Variants in FBXO25 observed in about 807,000 individuals in gnomAD.
FBXO25 encodes the protein F-box protein 25, also known as F-box only protein 25.
A neutral mutation model predicts 51.9 loss-of-function variants in FBXO25; 45 were observed. The ratio of observed to expected loss-of-function variants is 0.87; its 90% confidence interval spans 0.68 to 1.11. The LOEUF (loss-of-function observed/expected upper bound fraction) is 1.11. Among genes scored for constraint, FBXO25 ranks in the 50% most tolerant of loss-of-function variants. FBXO25 has a pLI of 0.00. For missense variants in FBXO25, 507 were observed against 428.5 expected (o/e 1.18, Z -1.62); for synonymous variants, 199 against 151.0 (o/e 1.32, Z -2.33).
chr8:441,958 G>T (rs1286841862), intron 5 of FBXO25, among the ~76,000 whole-genome samples: 2 of 152,128 alleles, frequency 1.3e-5, no homozygotes, highest in African/African-American at 4.8e-5. Context: ...GATTCCTCAA[G>T]GATCTAGAAC....
intron 7 of FBXO25, 81 bp from the exon 8 acceptor site, chr8:458,288 A>C: frequency 1.4e-6 from 2 of 1,481,222 alleles, no homozygotes; most frequent in South Asian, 2.5e-5. Context: ...TGAAGCATTC[A>C]TTCCAGCTTG....
At chr8:420,873 G>A (rs1244616063) in intron 2 of FBXO25, among the ~76,000 whole-genome samples, 2 of 152,234 alleles carry the variant, frequency 1.3e-5, no homozygotes, top group Admixed American at 1.3e-4. Context: ...CAAAACCCAT[G>A]GAACTGTGCA....
chr8:472,283 C>A lies in FBXO25; in HGVS notation c.*3479C>A, dbSNP rs141687143. On this transcript the variant is annotated 3_prime_UTR_variant, in exon 10 of 10. Transcript: ENST00000350302. ...TATCGTGAAAGGGTGTGGATTTTGTCAAATGCTTTTTCTGCATCTCTTAAG... is the reference window on the plus strand; with the variant it reads ...TATCGTGAAAGGGTGTGGATTTTGTAAAATGCTTTTTCTGCATCTCTTAAG... 4.6e-5 allele frequency: 7 copies of A among 152,206 alleles called. No individual in the cohort carries two copies. The highest frequency in any genetic ancestry group is 4.4e-5 in the Non-Finnish European group (3 of 68,036). The allele number at this position is 152,206 out of a possible 1,614,324, so 9.4% of individuals were successfully genotyped here.
chr8:467,217 GCC>G (rs949151141), intron 9 of FBXO25, among the ~76,000 whole-genome samples: 38 of 152,336 alleles, frequency 2.5e-4, no homozygotes, highest in African/African-American at 8.7e-4. Context: ...GCATTCACTG[GCC>G]TGGAGGAACA....
chr8:407,184 T>G (rs1163502598), intron 1 of FBXO25, 118 bp downstream of exon 1: 1 of 205,204 alleles, frequency 4.9e-6, no homozygotes, highest in Non-Finnish European at 7.9e-6. Context: ...GCGAGTCAGG[T>G]GAAGACCGGG....
intron 8 of FBXO25, among the ~76,000 whole-genome samples, chr8:460,608 G>T (rs901370909): frequency 6.6e-6 from 1 of 152,206 alleles, no homozygotes; most frequent in African/African-American, 2.4e-5. Context: ...CATCTGGTGG[G>T]ATGTTGCATT....
intron 7 of FBXO25, among the ~76,000 whole-genome samples, chr8:452,848 C>A (rs1029037182): frequency 6.6e-6 from 1 of 152,210 alleles, no homozygotes; most frequent in Non-Finnish European, 1.5e-5. Context: ...AAGCAAGGGA[C>A]AAGCTTGCAT....
intron 2 of FBXO25, among the ~76,000 whole-genome samples, chr8:419,956 C>T (rs1384555854): frequency 1.1e-4 from 17 of 152,214 alleles, no homozygotes; most frequent in Admixed American, 9.8e-4. Flanking sequence ...GCAATAGTTT[C>T]GGTGAACCTG....
intron 1 of FBXO25, among the ~76,000 whole-genome samples, chr8:412,583 C>T (rs779316086): frequency 3.9e-5 from 6 of 152,160 alleles, no homozygotes; most frequent in Non-Finnish European, 7.3e-5. Context: ...CTCAGAATAG[C>T]ATCCAACTCC....
At chr8:447,264 T>C (rs1196289120) in intron 5 of FBXO25, among the ~76,000 whole-genome samples, 1 of 151,970 alleles carries the variant, frequency 6.6e-6, no homozygotes, top group East Asian at 1.9e-4. Flanking sequence ...TACATGCAGG[T>C]AGCGGCTGGG....
At chr8:430,833 GT>G (rs1322074436) in intron 2 of FBXO25, among the ~76,000 whole-genome samples, 3 of 152,076 alleles carry the variant, frequency 2.0e-5, no homozygotes, top group African/African-American at 7.2e-5. Flanking sequence ...ACTTCACCTG[GT>G]TCCAGTTAAA....
chr8:412,850 C>T (rs755132443), intron 1 of FBXO25, among the ~76,000 whole-genome samples: 17 of 152,122 alleles, frequency 1.1e-4, no homozygotes, highest in Non-Finnish European at 1.5e-4. Flanking sequence ...TCATGGGATA[C>T]GCAGTATTAG....
chr8:472,584 G>A lies in FBXO25; in HGVS notation c.*3780G>A, dbSNP rs1432987146. ...CCATCTCATAGGATAAGCTTAGAAAGTGTTCCCTCTTCTGTGTTTTGGAAG... is the reference window on the plus strand; with the variant it reads ...CCATCTCATAGGATAAGCTTAGAAAATGTTCCCTCTTCTGTGTTTTGGAAG... On this transcript the variant is annotated 3_prime_UTR_variant, in exon 10 of 10. Coordinates refer to ENST00000350302, the MANE Select transcript of FBXO25 (RefSeq NM_183420.2). The A allele has an allele frequency of 7.6e-6, 1 of 131,946 alleles. No homozygotes were observed. Among genetic ancestry groups the A allele is most frequent in the Non-Finnish European group, 1.5e-5 (1 of 64,716 alleles). 8.2% of individuals were successfully genotyped at this position (131,946 alleles called of 1,614,324 possible).
intron 2 of FBXO25, among the ~76,000 whole-genome samples, chr8:430,819 T>G (rs573270392): frequency 3.6e-4 from 55 of 152,342 alleles, no homozygotes; most frequent in African/African-American, 1.2e-3. Context: ...AAAATATACA[T>G]GTCACTTCAC....
chr8:455,594 A>C (rs1799370336), intron 7 of FBXO25, among the ~76,000 whole-genome samples: 1 of 152,166 alleles, frequency 6.6e-6, no homozygotes, highest in Non-Finnish European at 1.5e-5. Flanking sequence ...TTTTCTGTGT[A>C]AAATAGAATG....
chr8:458,133 G>T (rs1265825960), intron 7 of FBXO25, among the ~76,000 whole-genome samples: 2 of 152,206 alleles, frequency 1.3e-5, no homozygotes, highest in Non-Finnish European at 2.9e-5. Flanking sequence ...CAGCAGTAGG[G>T]CCTCACCCAG....
rs1205690557 is a variant in FBXO25, at chr8:470,583, G to A, written c.*1779G>A. ...TTTAGTAGAGATGGGGTTTCACCAT[G>A]TTGCCCAGGCTGGTCTCAGGAGTTT... is the stretch of plus-strand genomic sequence containing the variant. On this transcript the variant is annotated 3_prime_UTR_variant, in exon 10 of 10. Transcript: ENST00000350302. 1.3e-5 allele frequency: 2 copies of A among 152,240 alleles called. No individual in the cohort carries two copies. The highest frequency in any genetic ancestry group is 2.9e-5 in the Non-Finnish European group (2 of 68,162). The allele number at this position is 152,240 out of a possible 1,614,324, so 9.4% of individuals were successfully genotyped here. A position where few individuals can be genotyped will look rare whatever the true frequency, so the allele number is the denominator to read the frequency against.
chr8:417,093 C>A (rs775228475), intron 2 of FBXO25, among the ~76,000 whole-genome samples: 1 of 152,198 alleles, frequency 6.6e-6, no homozygotes, highest in Non-Finnish European at 1.5e-5. Flanking sequence ...CTGGCATATT[C>A]AGGGACAGCA....
intron 8 of FBXO25, among the ~76,000 whole-genome samples, chr8:461,036 C>G (rs922256175): frequency 2.6e-5 from 4 of 152,262 alleles, no homozygotes; most frequent in Middle Eastern, 6.8e-3. Context: ...TTAAAAGGCC[C>G]CCACCCCAAG....
Sources: gnomAD v4.1 joint callset for allele counts (sites outside exome capture counted in the v4.1 genomes callset) on GRCh38, gnomAD v4.1.1 for gene constraint, MANE v1.5 for transcripts, NCBI Gene and HGNC (gene_info 2026-07-23, HGNC 2026-07-21) for gene names.